LRP1B: variants seen among roughly 807,000 people sequenced by gnomAD.
LRP1B encodes the protein low-density lipoprotein receptor-related protein 1B.
Under a neutral mutation model 556.6 loss-of-function variants are expected in LRP1B, and 217 were observed. The observed-to-expected ratio is 0.39, with a 90% CI of 0.35 to 0.44. The LOEUF (loss-of-function observed/expected upper bound fraction) is 0.44. Ranked by LOEUF, LRP1B falls within the 20% of genes least tolerant of loss-of-function variation. The pLI, the probability that LRP1B is intolerant of heterozygous loss-of-function variation, is 1.00. For synonymous variants in LRP1B, 2,047 were observed against 1,865.8 expected, an observed-to-expected ratio of 1.10 and a Z score of -2.50; for missense variants, 5,053 against 5,620.8, an observed-to-expected ratio of 0.90 and a Z score of 3.23.
At position 141,440,849 on chromosome 2, in the gene LRP1B, C is replaced by T. The variant is rs1027971572; in HGVS notation, c.343+39547G>A. On this transcript the variant is annotated intron_variant, in intron 3 of 90. Transcript: ENST00000389484. Reference sequence around the variant, plus strand: ...CAGCGGTGGTTCTCAAAAGGGGCAACTTTAATCCCATCCCTCCACCACACA... The same window carrying T: ...CAGCGGTGGTTCTCAAAAGGGGCAATTTTAATCCCATCCCTCCACCACACA... 2.6e-5 allele frequency among the ~76,000 whole-genome samples: 4 copies of T among 152,110 alleles called. No homozygotes were observed. In the East Asian group the frequency reaches 7.7e-4, roughly 29 times the overall value.
chr2:140,837,423 C>G (rs1691943294), intron 31 of LRP1B, among the ~76,000 whole-genome samples: 4 of 152,134 alleles, frequency 2.6e-5, no homozygotes, highest in Admixed American at 2.0e-4. Flanking sequence ...ATGTTTGACT[C>G]ACAGCCATAT....
chr2:141,857,314 C>T (rs955960817), intron 1 of LRP1B, among the ~76,000 whole-genome samples: 1 of 151,650 alleles, frequency 6.6e-6, no homozygotes, highest in Non-Finnish European at 1.5e-5. Context: ...GCTTTCATTC[C>T]TCCACTCTTT....
At chr2:141,186,453 T>G (rs1236772881) in intron 7 of LRP1B, among the ~76,000 whole-genome samples, 1 of 152,054 alleles carries the variant, frequency 6.6e-6, no homozygotes, top group Admixed American at 6.6e-5. Context: ...CAATCCTAAC[T>G]AAATTTCTGA....
At chr2:141,954,257 G>T (rs912939588) in intron 1 of LRP1B, among the ~76,000 whole-genome samples, 1 of 152,062 alleles carries the variant, frequency 6.6e-6, no homozygotes, top group Non-Finnish European at 1.5e-5. Context: ...TGATTCTTGA[G>T]TACATTACTT....
chr2:141,314,855 TAC>T (rs1686950684), intron 3 of LRP1B, among the ~76,000 whole-genome samples: 1 of 126,928 alleles, frequency 7.9e-6, no homozygotes, highest in Admixed American at 7.9e-5. Flanking sequence ...CACATATATA[TAC>T]ATATATATAC....
intron 41 of LRP1B, among the ~76,000 whole-genome samples, chr2:140,619,677 T>C (rs1215275554): frequency 6.6e-6 from 1 of 152,230 alleles, no homozygotes; most frequent in Non-Finnish European, 1.5e-5. Flanking sequence ...TGAGATCATT[T>C]ATATGTAAAG....
intron 2 of LRP1B, among the ~76,000 whole-genome samples, chr2:141,742,847 T>A (rs1002798031): frequency 6.6e-6 from 1 of 152,172 alleles, no homozygotes. Context: ...TTAAACTAAT[T>A]CTAGTTATTT....
intron 1 of LRP1B, among the ~76,000 whole-genome samples, chr2:141,995,613 C>T (rs896056446): frequency 6.6e-6 from 1 of 152,100 alleles, no homozygotes; most frequent in East Asian, 1.9e-4. Context: ...ATTACTCTGC[C>T]TACACTAGTC....
intron 1 of LRP1B, among the ~76,000 whole-genome samples, chr2:141,919,021 T>A (rs1222745419): frequency 1.3e-5 from 2 of 152,100 alleles, no homozygotes; most frequent in African/African-American, 2.4e-5. Flanking sequence ...ACCTTAAATT[T>A]TTTTTCTTTT....
chr2:141,897,804 C>T (rs1699498604), intron 1 of LRP1B, among the ~76,000 whole-genome samples: 1 of 152,112 alleles, frequency 6.6e-6, no homozygotes, highest in South Asian at 2.1e-4. Context: ...TCAAAACAAA[C>T]CTGCATAAAT....
rs774662713 is a variant in LRP1B, at chr2:140,867,726, T to C, written c.4443A>G (p.Glu1481=). The C allele has an allele frequency of 6.2e-7, 1 of 1,612,814 alleles. No homozygotes were observed. The highest frequency in any genetic ancestry group is 1.1e-5 in the South Asian group (1 of 90,982). ...HPFAVSLYGS[E]VYWTDWRTNT... ...TGGTCCTCCAGTCTGTCCAGTAGAC[T>C]TCACTCCCATATAGAGACACAGCAA... The change falls in exon 27 of 91, where the codon GAA becomes GAG. Residue 1481 remains glutamate (E), a synonymous_variant. Transcript: ENST00000389484.
chr2:141,395,186 A>G (rs907216070), intron 3 of LRP1B, among the ~76,000 whole-genome samples: 5 of 152,106 alleles, frequency 3.3e-5, no homozygotes, highest in African/African-American at 4.8e-5. Flanking sequence ...GTATTATGTA[A>G]TAATGTTCAA....
intron 2 of LRP1B, among the ~76,000 whole-genome samples, chr2:141,540,910 A>G (rs1685235338): frequency 6.6e-6 from 1 of 152,026 alleles, no homozygotes; most frequent in African/African-American, 2.4e-5. Context: ...AGTTCGCACA[A>G]ATAAATATTA....
At chr2:141,149,526 G>A (rs1701868752) in intron 7 of LRP1B, among the ~76,000 whole-genome samples, 2 of 152,098 alleles carry the variant, frequency 1.3e-5, no homozygotes, top group Non-Finnish European at 2.9e-5. Flanking sequence ...GCTTTCTCTT[G>A]TATTTCTATT....
intron 59 of LRP1B, among the ~76,000 whole-genome samples, 157 bp from the exon 60 acceptor site, chr2:140,475,494 T>C (rs1687937901): frequency 6.6e-6 from 1 of 151,002 alleles, no homozygotes; most frequent in Non-Finnish European, 1.5e-5. Context: ...AAATTTCTTA[T>C]GGTGTTTTAT....
intron 1 of LRP1B, among the ~76,000 whole-genome samples, chr2:142,028,576 G>A (rs1703583544): frequency 6.6e-6 from 1 of 151,946 alleles, no homozygotes; most frequent in Non-Finnish European, 1.5e-5. Context: ...TTGATCAGTT[G>A]ATGGACATTT....
intron 7 of LRP1B, among the ~76,000 whole-genome samples, chr2:141,150,251 A>T (rs1701887870): frequency 6.6e-6 from 1 of 152,236 alleles, no homozygotes; most frequent in South Asian, 2.1e-4. Flanking sequence ...CAGTGCTCTT[A>T]ACCAGTATCA....
intron 2 of LRP1B, among the ~76,000 whole-genome samples, chr2:141,749,995 C>T (rs889398509): frequency 1.3e-5 from 2 of 152,150 alleles, no homozygotes; most frequent in Non-Finnish European, 2.9e-5. Context: ...CGGAAGGAAG[C>T]TAAGCATTGG....
intron 59 of LRP1B, among the ~76,000 whole-genome samples, chr2:140,479,895 CTT>C (rs1688158567): frequency 6.6e-6 from 1 of 152,144 alleles, no homozygotes; most frequent in African/African-American, 2.4e-5. Context: ...CAAAAGTTCC[CTT>C]ATGACTCTTC....
Sources: gnomAD v4.1 joint callset for allele counts (sites outside exome capture counted in the v4.1 genomes callset) on GRCh38, gnomAD v4.1.1 for gene constraint, MANE v1.5 for transcripts, NCBI Gene and HGNC (gene_info 2026-07-23, HGNC 2026-07-21) for gene names.